The following FHIP1B variants were observed in gnomAD, a reference collection of about 807,000 sequenced individuals.
The protein encoded by FHIP1B is FHF complex subunit HOOK interacting protein 1B, also known as FHF complex subunit HOOK-interacting protein 1B.
A neutral mutation model predicts 82.2 loss-of-function variants in FHIP1B; 28 were observed. The ratio of observed to expected loss-of-function variants is 0.34; its 90% CI spans 0.25 to 0.47. FHIP1B has a LOEUF of 0.47. Ranked by LOEUF, FHIP1B falls within the 20% of genes least tolerant of loss-of-function variation. The probability of loss-of-function intolerance (pLI) is 1.00; values close to 1 mark genes in which losing one functional copy is unlikely to be tolerated. For synonymous variants in FHIP1B, 585 were observed against 516.1 expected, an observed-to-expected ratio of 1.13 and a Z score of -1.81; for missense variants, 1,110 against 1,262.6, an observed-to-expected ratio of 0.88 and a Z score of 1.83.
At position 6,214,397 on chromosome 11, in the gene FHIP1B, G is replaced by A. The variant is rs1788091189; in HGVS notation, c.2557+14C>T. The A allele has an allele frequency of 6.9e-6, 11 of 1,595,156 alleles. No individual in the cohort carries two copies. The highest frequency in any genetic ancestry group is 8.6e-6 in the Non-Finnish European group (10 of 1,169,116). On this transcript the variant is annotated intron_variant, in intron 11 of 11. Transcript: ENST00000449352. The stretch of plus-strand genomic sequence containing the variant: ...TAGGGAGGGCAGGTACGGGTGTGGT[G>A]GGATAGGCCTCACCTAGGGGATCAG...
rs576094611 is a variant in FHIP1B, at chr11:6,214,527, T to C, written c.2441A>G (p.Gln814Arg). The change falls in exon 11 of 12, where the codon CAG (glutamine) becomes CGG (arginine). Residue 814 changes from glutamine (Q) to arginine (R), a missense_variant. Gln to Arg is a conservative substitution (Grantham distance 43). Around this residue, in one of 6 missense-constraint regions of FHIP1B, gnomAD observed 147 missense variants for 154.0 expected, o/e 0.95. Coordinates refer to ENST00000449352, the MANE Select transcript of FHIP1B (RefSeq NM_001098794.2). Reference sequence around the variant, plus strand: ...GGACAGCAGTGCTGGGAAGTCCTCCTGGGAAGCCGCAAAGTTCTCAATCTT... The same window carrying C: ...GGACAGCAGTGCTGGGAAGTCCTCCCGGGAAGCCGCAAAGTTCTCAATCTT... ...KNKIENFAAS[Q>R]EDFPALLSKA... is the part of the protein sequence containing the mutation. 3.7e-6 allele frequency: 6 copies of C among 1,614,036 alleles called. No homozygotes were observed. The highest frequency in any genetic ancestry group is 3.3e-5 in the South Asian group (3 of 91,082).
At chr11:6,225,648 G>A (rs1847544210) in intron 1 of FHIP1B, among the ~76,000 whole-genome samples, 2 of 152,210 alleles carry the variant, frequency 1.3e-5, no homozygotes, top group South Asian at 4.1e-4. Flanking sequence ...GTGAATGAAT[G>A]AATGAATGAA....
chr11:6,221,896 CCCAGCA>C (rs1301647357), intron 6 of FHIP1B, among the ~76,000 whole-genome samples: 1 of 152,090 alleles, frequency 6.6e-6, no homozygotes, highest in Non-Finnish European at 1.5e-5. Flanking sequence ...TCACTGTATC[CCCAGCA>C]CCAGCAAACA....
Position 6,224,417 on chromosome 11 carries a change from C to T in FHIP1B, c.100G>A (p.Glu34Lys). ...TTCTTGAAGACCATGAGGCAGGTCT[C>T]GGGATCAGCCATGACTGGGGTTTGG... Reference protein sequence around the residue: ...NLQTPVMADPETCLMVFKNHW... With the variant: ...NLQTPVMADPKTCLMVFKNHW... The change falls in exon 2 of 12, where the codon GAG becomes AAG. Residue 34 changes from glutamate (E) to lysine (K), a missense_variant. Physicochemically the swap from Glu to Lys is moderately conservative, Grantham distance 56 (BLOSUM62 1). Transcript: ENST00000449352. 3.1e-6 allele frequency: 5 copies of T among 1,614,120 alleles called. No individual in the cohort carries two copies. Among genetic ancestry groups the T allele is most frequent in the Non-Finnish European group, 4.2e-6 (5 of 1,180,034 alleles).
At position 6,214,381 on chromosome 11, in the gene FHIP1B, C is replaced by A. The variant is rs999441433; in HGVS notation, c.2557+30G>T. The A allele has an allele frequency of 3.2e-6, 5 of 1,572,040 alleles. No homozygotes were observed. In the African/African-American group the frequency reaches 4.1e-5, roughly 13 times the overall value. On this transcript the variant is annotated intron_variant, in intron 11 of 11. Transcript: ENST00000449352. ...GGGTTAATAGGCTATCTAGGGAGGG[C>A]AGGTACGGGTGTGGTGGGATAGGCC...
intron 1 of FHIP1B, among the ~76,000 whole-genome samples, chr11:6,226,007 A>G (rs187411481): frequency 5.3e-4 from 81 of 152,260 alleles, no homozygotes; most frequent in African/African-American, 1.9e-3. Context: ...CTTCTCCTTT[A>G]CAGCCACCAC....
chr11:6,222,319 C>T (rs1019158633), intron 6 of FHIP1B, 123 bp downstream of exon 6: 1 of 1,097,318 alleles, frequency 9.1e-7, no homozygotes, highest in South Asian at 1.5e-5. Context: ...GTTAATGCCA[C>T]TTAATTTTGA....
At chr11:6,216,828 T>C in intron 9 of FHIP1B, 2 of 561,488 alleles carry the variant, frequency 3.6e-6, no homozygotes, top group Non-Finnish European at 6.3e-6. Context: ...CAGGAAAAAC[T>C]TGAAATCAAG....
intron 6 of FHIP1B, among the ~76,000 whole-genome samples, chr11:6,222,085 A>T (rs927702383): frequency 2.0e-5 from 3 of 152,198 alleles, no homozygotes; most frequent in Admixed American, 6.5e-5. Flanking sequence ...ACACAACCTA[A>T]AGTGCTCTCA....
In FHIP1B at chr11:6,224,105, C is replaced by A. The variant is rs773107021; in HGVS notation, c.282G>T (p.Gly94=). ...RAVPSAPTGP[G]PLLEFALHED... is the part of the protein sequence containing the mutation. ...CGTGCAGAGCAAACTCCAGCAGGGG[C>A]CCAGGGCCTGTGGGGGCCGAGGGAA... The change falls in exon 3 of 12, where the codon GGG becomes GGT. Residue 94 remains glycine (G), a synonymous_variant. Coordinates refer to ENST00000449352, the MANE Select transcript of FHIP1B (RefSeq NM_001098794.2). The A allele has an allele frequency of 6.2e-7, 1 of 1,613,910 alleles. No homozygotes were observed. The highest frequency in any genetic ancestry group is 1.1e-5 in the South Asian group (1 of 91,054).
At chr11:6,218,438 G>C in intron 8 of FHIP1B, 162 bp downstream of exon 8, 1 of 1,130,278 alleles carries the variant, frequency 8.8e-7, no homozygotes, top group Non-Finnish European at 1.3e-6. Context: ...TGAGTGTTAA[G>C]GGTCCTCCCT....
Position 6,224,477 on chromosome 11 carries a change from C to T in FHIP1B, c.40G>A (p.Gly14Ser). Reference sequence around the variant, plus strand: ...CCTTGAGGTATACGGTGCCCAGGGCCCCGGGAGGCCAGTCTGCTCAGCCAA... The same window carrying T: ...CCTTGAGGTATACGGTGCCCAGGGCTCCGGGAGGCCAGTCTGCTCAGCCAA... ...MNWLSRLASR[G>S]PGHRIPQGAN... The change falls in exon 2 of 12, where the codon GGC (glycine) becomes AGC (serine). Residue 14 changes from glycine (G) to serine (S), a missense_variant. Around this residue, in one of 6 missense-constraint regions of FHIP1B, gnomAD observed 467 missense variants for 602.9 expected, o/e 0.77. Coordinates refer to ENST00000449352, the MANE Select transcript of FHIP1B (RefSeq NM_001098794.2). 6.2e-7 allele frequency: 1 copy of T among 1,613,984 alleles called. No homozygotes were observed. The highest frequency in any genetic ancestry group is 1.1e-5 in the South Asian group (1 of 91,068).
chr11:6,218,908 A>G, intron 7 of FHIP1B, 63 bp downstream of exon 7: 6 of 1,571,012 alleles, frequency 3.8e-6, no homozygotes, highest in South Asian at 3.3e-5. Flanking sequence ...CCATTGCCCC[A>G]GCAATGCATA....
At chr11:6,229,893 C>T (rs1456042012) in intron 1 of FHIP1B, among the ~76,000 whole-genome samples, 1 of 151,760 alleles carries the variant, frequency 6.6e-6, no homozygotes, top group Non-Finnish European at 1.5e-5. Context: ...CCTAATTAGA[C>T]TCTCTGCAAT....
intron 9 of FHIP1B, among the ~76,000 whole-genome samples, chr11:6,215,589 C>G (rs1847203872): frequency 6.6e-6 from 1 of 152,190 alleles, no homozygotes; most frequent in Non-Finnish European, 1.5e-5. Context: ...GAGAAGACAT[C>G]AGTTTTGTCT....
chr11:6,231,327 G>A (rs1243816816), intron 1 of FHIP1B, among the ~76,000 whole-genome samples: 2 of 152,004 alleles, frequency 1.3e-5, no homozygotes, highest in Non-Finnish European at 2.9e-5. Flanking sequence ...GGCTTTTGGG[G>A]CAAAGACTAT....
At position 6,211,716 on chromosome 11, in the gene FHIP1B, T is replaced by A; in HGVS notation, c.2709A>T (p.Pro903=). The A allele has an allele frequency of 6.2e-7, 1 of 1,614,220 alleles. No homozygotes were observed. The highest frequency in any genetic ancestry group is 8.5e-7 in the Non-Finnish European group (1 of 1,180,020). The part of the protein sequence containing the change: ...LSGGSPGAST[P]VLLTRGGAPE... ...GGGCCCCGCCCCGGGTGAGTAGAAC[T>A]GGAGTTGAAGCCCCAGGGGAGCCCC... The change falls in exon 12 of 12, where the codon CCA becomes CCT. Residue 903 remains proline, a synonymous_variant. Transcript: ENST00000449352.
At chr11:6,219,306 T>C (rs926983957) in intron 6 of FHIP1B, among the ~76,000 whole-genome samples, 2 of 152,230 alleles carry the variant, frequency 1.3e-5, no homozygotes, top group African/African-American at 4.8e-5. Flanking sequence ...ATAGACTCTC[T>C]AGCTATATAT....
chr11:6,212,333 C>A (rs1847095972), intron 11 of FHIP1B, among the ~76,000 whole-genome samples: 2 of 152,210 alleles, frequency 1.3e-5, no homozygotes, highest in Non-Finnish European at 2.9e-5. Context: ...CATCACCCTT[C>A]CGAACTAGTC....
Sources: allele counts gnomAD v4.1 joint callset (sites outside exome capture counted in the v4.1 genomes callset), GRCh38; gene constraint gnomAD v4.1.1; regional missense constraint gnomAD v4.1.1; transcripts MANE v1.5; gene names NCBI Gene and HGNC (gene_info 2026-07-23, HGNC 2026-07-21).